Variants in NTM observed in about 807,000 individuals in gnomAD.
NTM encodes the protein IgLON family member 2.
Under a neutral mutation model 42.1 loss-of-function variants are expected in NTM, and 13 were observed. The ratio of observed to expected loss-of-function variants is 0.31; its 90% CI spans 0.20 to 0.49. The LOEUF (loss-of-function observed/expected upper bound fraction) is 0.49, where lower values mean the gene tolerates loss of function less well. Ranked by LOEUF, NTM falls within the 20% of genes least tolerant of loss-of-function variation. The probability of loss-of-function intolerance (pLI) is 0.99; values close to 1 mark genes in which losing one functional copy is unlikely to be tolerated. For missense variants in NTM, 373 were observed against 452.8 expected (o/e 0.82, Z 1.60); for synonymous variants, 187 against 179.2 (o/e 1.04, Z -0.35).
At chr11:132,014,387 T>C (rs1429579501) in intron 2 of NTM, among the ~76,000 whole-genome samples, 1 of 152,052 alleles carries the variant, frequency 6.6e-6, no homozygotes, top group Non-Finnish European at 1.5e-5. Flanking sequence ...AAACTGGCTT[T>C]TTCTCCTTTG....
intron 1 of NTM, among the ~76,000 whole-genome samples, chr11:131,381,771 G>A (rs1380901451): frequency 6.6e-6 from 1 of 152,108 alleles, no homozygotes; most frequent in African/African-American, 2.4e-5. Context: ...CTGAGTTGTG[G>A]CTCTCAGTTC....
intron 1 of NTM, among the ~76,000 whole-genome samples, chr11:131,720,130 T>C (rs993198685): frequency 2.6e-5 from 4 of 152,200 alleles, no homozygotes; most frequent in South Asian, 2.1e-4. Flanking sequence ...GATACCTCTT[T>C]TACAAAGCAA....
chr11:132,226,236 A>C (rs1009592902), intron 4 of NTM, among the ~76,000 whole-genome samples: 1 of 152,156 alleles, frequency 6.6e-6, no homozygotes, highest in Admixed American at 6.5e-5. Context: ...CAGTAATGGG[A>C]TTGCTGGGTC....
chr11:132,163,606 T>C (rs574505976), intron 3 of NTM, among the ~76,000 whole-genome samples: 1 of 152,190 alleles, frequency 6.6e-6, no homozygotes. Flanking sequence ...GAGCCAGAGT[T>C]TGAATTCAGA....
intron 2 of NTM, among the ~76,000 whole-genome samples, chr11:131,933,993 G>A (rs7930126): frequency 0.012 from 1,768 of 152,224 alleles, 17 homozygotes; most frequent in Middle Eastern, 0.034. Flanking sequence ...AGACGTGGAG[G>A]AGTCTTTATG....
At chr11:131,780,024 G>C (rs1462262962) in intron 1 of NTM, among the ~76,000 whole-genome samples, 1 of 152,154 alleles carries the variant, frequency 6.6e-6, no homozygotes, top group African/African-American at 2.4e-5. Flanking sequence ...CACATCCCTG[G>C]GGCGTTCACA....
intron 1 of NTM, among the ~76,000 whole-genome samples, chr11:131,627,524 G>A (rs529608525): frequency 1.4e-4 from 21 of 152,126 alleles, no homozygotes; most frequent in Admixed American, 7.2e-4. Flanking sequence ...GAGAAAAAGG[G>A]TCAAAGACAA....
intron 1 of NTM, among the ~76,000 whole-genome samples, chr11:131,645,551 T>G (rs2134272306): frequency 6.6e-6 from 1 of 152,372 alleles, no homozygotes; most frequent in East Asian, 1.9e-4. Flanking sequence ...AAGTGAAATC[T>G]TACTCTTTTA....
intron 2 of NTM, among the ~76,000 whole-genome samples, chr11:132,110,378 T>A (rs1466910397): frequency 1.3e-5 from 2 of 152,256 alleles, no homozygotes; most frequent in African/African-American, 4.8e-5. Flanking sequence ...ATGTCTTATC[T>A]CTGCCAAGGA....
rs1233754343 is a variant in NTM at position 132,146,734 on chromosome 11, T to C, written c.400+220T>C. 2.8e-5 allele frequency: 13 copies of C among 471,558 alleles called. No homozygotes were observed. The East Asian group carries it at 3.9e-4, about 14-fold the overall frequency. The allele number at this position is 471,558 out of a possible 1,614,324, so 29.2% of individuals were successfully genotyped here. On this transcript the variant is annotated intron_variant, in intron 3 of 8. Coordinates refer to ENST00000683400, the MANE Select transcript of NTM (RefSeq NM_001352005.2). The surrounding 1 kb of genome is among the most constrained non-coding windows in gnomAD (Gnocchi z 4.5). ...ATTGTTTTTTTCATTTTTGTTCCAA[T>C]AATATATTTTCTCAGGAAATTATCT...
intron 1 of NTM, among the ~76,000 whole-genome samples, chr11:131,384,052 T>C (rs1402237626): frequency 1.3e-5 from 2 of 152,150 alleles, no homozygotes; most frequent in Non-Finnish European, 2.9e-5. Context: ...TCTAAGTGAA[T>C]GGCTTAGAGG....
chr11:131,798,515 C>T (rs1018583004), intron 1 of NTM, among the ~76,000 whole-genome samples: 2 of 152,198 alleles, frequency 1.3e-5, no homozygotes, highest in Non-Finnish European at 2.9e-5. Context: ...ATCTATCTAA[C>T]AAATATTTAC....
At chr11:131,470,630 G>A (rs1044912994) in intron 1 of NTM, among the ~76,000 whole-genome samples, 1 of 152,160 alleles carries the variant, frequency 6.6e-6, no homozygotes, top group African/African-American at 2.4e-5. Context: ...TTGCCCCAAA[G>A]GCTCCCCGAG....
chr11:132,052,857 A>T (rs529144434), intron 2 of NTM, among the ~76,000 whole-genome samples: 2 of 151,874 alleles, frequency 1.3e-5, no homozygotes, highest in South Asian at 4.2e-4. Flanking sequence ...TTTCTCAATT[A>T]TGTCAAAGCT....
At chr11:131,742,796 AT>A (rs1278799662) in intron 1 of NTM, among the ~76,000 whole-genome samples, 2 of 152,248 alleles carry the variant, frequency 1.3e-5, no homozygotes, top group African/African-American at 4.8e-5. Context: ...GAAGAAAAGA[AT>A]CTAGGTGAAG....
chr11:131,415,016 T>C (rs1946801559), intron 1 of NTM, among the ~76,000 whole-genome samples: 1 of 152,164 alleles, frequency 6.6e-6, no homozygotes, highest in Admixed American at 6.5e-5. Flanking sequence ...GACGCTGGTG[T>C]GCATCAGGCA....
At chr11:131,479,450 C>G (rs770379303) in intron 1 of NTM, among the ~76,000 whole-genome samples, 13 of 152,050 alleles carry the variant, frequency 8.5e-5, no homozygotes, top group Non-Finnish European at 1.9e-4. Context: ...TTGGGGAGCC[C>G]GGAAGAAGGA....
At chr11:132,100,390 C>G (rs1030213232) in intron 2 of NTM, among the ~76,000 whole-genome samples, 4 of 152,140 alleles carry the variant, frequency 2.6e-5, no homozygotes, top group African/African-American at 7.2e-5. Flanking sequence ...TGTGGGCAGG[C>G]GGATCATCAC....
intron 3 of NTM, among the ~76,000 whole-genome samples, chr11:132,157,671 G>GT (rs5795755): frequency 0.25 from 38,008 of 152,078 alleles, 5,941 homozygotes; most frequent in Non-Finnish European, 0.35. Context: ...TCGTATTTGT[G>GT]TTTTTTCTCC....
Sources: gnomAD v4.1 joint callset for allele counts (sites outside exome capture counted in the v4.1 genomes callset) on GRCh38, gnomAD v4.1.1 for gene constraint, Gnocchi (gnomAD v3.1) non-coding constraint, MANE v1.5 for transcripts, NCBI Gene and HGNC (gene_info 2026-07-23, HGNC 2026-07-21) for gene names.